The following ADGRB3 variants were observed in gnomAD, a reference collection of about 807,000 sequenced individuals.
The protein encoded by ADGRB3 is adhesion G protein-coupled receptor B3, also known as brain-specific angiogenesis inhibitor 3.
ADGRB3 carries 37 observed loss-of-function variants against 193.4 expected under a neutral mutation model. That is an observed-to-expected ratio of 0.19 (90% CI 0.15 to 0.25). ADGRB3 has a LOEUF of 0.25. Among genes scored for constraint, ADGRB3 ranks in the 10% least tolerant of loss-of-function variants. The pLI, the probability that ADGRB3 is intolerant of heterozygous loss-of-function variation, is 1.00. For missense variants in ADGRB3, 1,637 were observed against 1,852.9 expected (o/e 0.88, Z 2.14); for synonymous variants, 690 against 644.2 (o/e 1.07, Z -1.08).
chr6:68,765,975 A>G (rs1478546304), intron 3 of ADGRB3, among the ~76,000 whole-genome samples: 1 of 152,022 alleles, frequency 6.6e-6, no homozygotes, highest in Non-Finnish European at 1.5e-5. Context: ...GTATACCTTA[A>G]TAATAGCTTG....
intron 3 of ADGRB3, among the ~76,000 whole-genome samples, chr6:68,743,030 A>G (rs745803798): frequency 3.5e-4 from 54 of 152,176 alleles, no homozygotes; most frequent in Non-Finnish European, 5.9e-4. Context: ...AGGCATGCGT[A>G]TACGTTTTCT....
chr6:68,843,057 A>AAAAAAC (rs1554203959), intron 3 of ADGRB3, among the ~76,000 whole-genome samples: 3 of 151,338 alleles, frequency 2.0e-5, no homozygotes, highest in African/African-American at 4.8e-5. Flanking sequence ...ACAACAAAAA[A>AAAAAAC]AAAAACAGGA....
At chr6:69,111,065 G>A (rs1459870166) in intron 17 of ADGRB3, among the ~76,000 whole-genome samples, 2 of 152,148 alleles carry the variant, frequency 1.3e-5, no homozygotes, top group Non-Finnish European at 2.9e-5. Context: ...TCAACAAATA[G>A]GTTATTCCTC....
intron 3 of ADGRB3, among the ~76,000 whole-genome samples, chr6:68,717,335 A>G (rs1181963345): frequency 6.6e-6 from 1 of 151,716 alleles, no homozygotes; most frequent in Admixed American, 6.6e-5. Flanking sequence ...AATGTCCCCA[A>G]TTCAAATTAT....
chr6:69,093,560 G>A (rs1322913479), intron 17 of ADGRB3, among the ~76,000 whole-genome samples: 2 of 151,768 alleles, frequency 1.3e-5, no homozygotes, highest in East Asian at 3.9e-4. Flanking sequence ...AGGTTCAGGG[G>A]GAGAGGGGCG....
chr6:69,085,845 T>A (rs1772534029), intron 17 of ADGRB3, among the ~76,000 whole-genome samples: 1 of 151,766 alleles, frequency 6.6e-6, no homozygotes, highest in Admixed American at 6.6e-5. Flanking sequence ...AATATAGATT[T>A]GAATGAACAT....
chr6:69,338,953 T>C lies in ADGRB3; in HGVS notation c.3226T>C (p.Cys1076Arg). 1 of 1,613,942 alleles carries C rather than the reference T, an allele frequency of 6.2e-7. No homozygotes were observed. The highest frequency in any genetic ancestry group is 8.5e-7 in the Non-Finnish European group (1 of 1,179,866). The change falls in exon 25 of 32, where the codon TGT becomes CGT. Residue 1076 changes from cysteine (C) to arginine (R), a missense_variant. Transcript: ENST00000370598. ...SEPHSGLTLK[C>R]AKCGVVSTTA... The stretch of plus-strand genomic sequence containing the variant: ...GCCTCATAGCGGTTTGACGCTCAAA[T>C]GTGCCAAGTGTGGAGTAGTTTCAAC...
At chr6:69,071,406 T>G (rs1470327176) in intron 16 of ADGRB3, among the ~76,000 whole-genome samples, 1 of 152,190 alleles carries the variant, frequency 6.6e-6, no homozygotes, top group Admixed American at 6.5e-5. Flanking sequence ...TAGTGATATA[T>G]TCTACTGTCA....
chr6:69,367,993 G>T (rs1189742976), intron 29 of ADGRB3, among the ~76,000 whole-genome samples: 42 of 127,018 alleles, frequency 3.3e-4, no homozygotes, highest in Non-Finnish European at 2.9e-4. Context: ...TGGGGACTGT[G>T]GTGGGGTGGG....
chr6:68,946,640 G>A (rs78478257), intron 6 of ADGRB3, among the ~76,000 whole-genome samples: 156 of 152,208 alleles, frequency 1.0e-3, no homozygotes, highest in African/African-American at 3.6e-3. Flanking sequence ...GCACTAGAGT[G>A]TGGACAAGAG....
chr6:69,195,852 A>C (rs887166984), intron 17 of ADGRB3, among the ~76,000 whole-genome samples: 8 of 152,184 alleles, frequency 5.3e-5, no homozygotes, highest in African/African-American at 1.7e-4. Context: ...TATACTACGC[A>C]AAAGCATAAA....
intron 20 of ADGRB3, among the ~76,000 whole-genome samples, chr6:69,290,107 A>G (rs1378892302): frequency 6.6e-6 from 1 of 152,078 alleles, no homozygotes; most frequent in East Asian, 1.9e-4. Flanking sequence ...CAGAGGATTA[A>G]TTGTGAGGCA....
chr6:68,997,392 C>T (rs1308908652), intron 11 of ADGRB3, among the ~76,000 whole-genome samples: 2 of 148,822 alleles, frequency 1.3e-5, no homozygotes, highest in Non-Finnish European at 2.9e-5. Flanking sequence ...TCTGTAATCA[C>T]AGCACTTTGG....
chr6:69,194,712 T>C (rs1200288792), intron 17 of ADGRB3, among the ~76,000 whole-genome samples: 1 of 152,104 alleles, frequency 6.6e-6, no homozygotes, highest in Non-Finnish European at 1.5e-5. Context: ...ACAAACGTAT[T>C]ATTATTAGAG....
At chr6:68,777,558 T>C (rs1480545843) in intron 3 of ADGRB3, among the ~76,000 whole-genome samples, 1 of 149,932 alleles carries the variant, frequency 6.7e-6, no homozygotes, top group African/African-American at 2.5e-5. Flanking sequence ...TTTGGACACA[T>C]AGAAAGTTAT....
intron 17 of ADGRB3, among the ~76,000 whole-genome samples, chr6:69,132,347 G>GT (rs1774034300): frequency 6.6e-6 from 1 of 152,076 alleles, no homozygotes; most frequent in Non-Finnish European, 1.5e-5. Flanking sequence ...TCTCATTGTG[G>GT]TTTTGATTTG....
At chr6:68,801,931 A>G (rs1562035487) in intron 3 of ADGRB3, among the ~76,000 whole-genome samples, 1 of 152,198 alleles carries the variant, frequency 6.6e-6, no homozygotes, top group Non-Finnish European at 1.5e-5. Flanking sequence ...TGTGGGACTT[A>G]TGAGACTTAG....
chr6:68,931,208 G>C (rs1767328213), intron 4 of ADGRB3, among the ~76,000 whole-genome samples: 1 of 151,794 alleles, frequency 6.6e-6, no homozygotes, highest in South Asian at 2.1e-4. Flanking sequence ...GTTAAGTAAG[G>C]TGTAACACAC....
At chr6:69,126,468 G>A (rs1773855105) in intron 17 of ADGRB3, among the ~76,000 whole-genome samples, 1 of 152,196 alleles carries the variant, frequency 6.6e-6, no homozygotes, top group Non-Finnish European at 1.5e-5. Context: ...TATGAACCTG[G>A]CAGGCTGCTG....
Sources: gnomAD v4.1 joint callset for allele counts (sites outside exome capture counted in the v4.1 genomes callset) on GRCh38, gnomAD v4.1.1 for gene constraint, MANE v1.5 for transcripts, NCBI Gene and HGNC (gene_info 2026-07-23, HGNC 2026-07-21) for gene names.